The following KIRREL3 variants were observed in gnomAD, a reference collection of about 807,000 sequenced individuals.
KIRREL3 encodes the protein kin of IRRE-like protein 3.
A neutral mutation model predicts 89.7 loss-of-function variants in KIRREL3; 36 were observed. The ratio of observed to expected loss-of-function variants is 0.40; its 90% confidence interval spans 0.31 to 0.53. The LOEUF (loss-of-function observed/expected upper bound fraction) is 0.53. Ranked by LOEUF, KIRREL3 falls within the 20% of genes least tolerant of loss-of-function variation. The pLI is 0.49. For missense variants in KIRREL3, 864 were observed against 1,056.6 expected, an observed-to-expected ratio of 0.82 and a Z score of 2.53; for synonymous variants, 445 against 441.4, an observed-to-expected ratio of 1.01 and a Z score of -0.10.
In KIRREL3 at chr11:126,735,371, C is replaced by G. The variant is rs903795438; in HGVS notation, c.56-172459G>C. On this transcript the variant is annotated intron_variant, in intron 1 of 16. Transcript: ENST00000525144. ...TCTGGGATCCTAGAACAACAGAGAC[C>G]ATTGCATGACCAACTGGGGAGACAG... Among the ~76,000 whole-genome samples the G allele has an allele frequency of 3.2e-4, 48 of 152,162 alleles. 1 individual carries two copies. Among genetic ancestry groups the G allele is most frequent in the Admixed American group, 2.7e-3 (42 of 15,284 alleles).
rs1950093582 is a variant in KIRREL3, at chr11:126,993,434, CT to C, written c.55+7020del. On this transcript the variant is annotated intron_variant, in intron 1 of 16. Coordinates refer to ENST00000525144, the MANE Select transcript of KIRREL3 (RefSeq NM_032531.4). The surrounding 1 kb of genome is among the most constrained non-coding windows in gnomAD (Gnocchi z 6.1). ...AAGAGACTGGAAATCGCTTTTCATG[CT>C]TCGTTTAGAGAACTCTTGAGCATCC... 6.6e-6 allele frequency among the ~76,000 whole-genome samples: 1 copy of C among 152,198 alleles called. No individual in the cohort carries two copies.
chr11:126,712,578 C>A (rs551895037), intron 1 of KIRREL3, among the ~76,000 whole-genome samples: 31 of 152,256 alleles, frequency 2.0e-4, no homozygotes, highest in African/African-American at 7.2e-4. Context: ...TCTCCGGGTG[C>A]GGGAAACTTT....
rs34978323 is a variant in KIRREL3, at chr11:126,876,538, CTTTTT to C, written c.55+123912_55+123916del. On this transcript the variant is annotated intron_variant, in intron 1 of 16. Coordinates refer to ENST00000525144, the MANE Select transcript of KIRREL3 (RefSeq NM_032531.4). The surrounding 1 kb of genome is among the most constrained non-coding windows in gnomAD (Gnocchi z 4.1). ...CTTACAGTACATACTCATAAATATGCTTTTTTTTTTTTTTTTTGAGATGGAGTCTT... is the reference window on the plus strand; with the variant it reads ...CTTACAGTACATACTCATAAATATGCTTTTTTTTTTTTGAGATGGAGTCTT... Among the ~76,000 whole-genome samples, 1 of 115,342 alleles carries C rather than the reference CTTTTT, an allele frequency of 8.7e-6. No homozygotes were observed. Among genetic ancestry groups the C allele is most frequent in the Non-Finnish European group, 1.8e-5 (1 of 54,366 alleles). 75.7% of individuals were successfully genotyped at this position (115,342 alleles called of 152,430 possible).
intron 1 of KIRREL3, among the ~76,000 whole-genome samples, chr11:126,713,636 T>A (rs924421776): frequency 6.6e-6 from 1 of 152,156 alleles, no homozygotes; most frequent in Admixed American, 6.5e-5. Context: ...GAGTGTACAT[T>A]CTGCAGAGGG....
intron 1 of KIRREL3, among the ~76,000 whole-genome samples, chr11:126,698,192 T>C (rs1193874751): frequency 1.3e-5 from 2 of 152,168 alleles, no homozygotes; most frequent in African/African-American, 4.8e-5. Flanking sequence ...TGCGTATAAT[T>C]ACACCATTCC....
At chr11:126,439,528 A>G (rs1955482551) in intron 11 of KIRREL3, among the ~76,000 whole-genome samples, 1 of 149,602 alleles carries the variant, frequency 6.7e-6, no homozygotes. Flanking sequence ...AAAAAAATGC[A>G]GATACTGGCT....
At chr11:126,517,119 TGA>T (rs1402440701) in intron 4 of KIRREL3, among the ~76,000 whole-genome samples, 1 of 78,196 alleles carries the variant, frequency 1.3e-5, no homozygotes, top group Non-Finnish European at 2.7e-5. Context: ...TGTTAGAGAT[TGA>T]GAGAGAGAGA....
At chr11:126,632,989 G>C (rs10893547) in intron 1 of KIRREL3, among the ~76,000 whole-genome samples, 52,983 of 151,556 alleles carry the variant, frequency 0.35, 9,490 homozygotes, top group Admixed American at 0.44. Flanking sequence ...CTATTCGGGA[G>C]GCTGAGGCAG....
chr11:126,836,111 T>A (rs1943772031), intron 1 of KIRREL3, among the ~76,000 whole-genome samples: 1 of 152,226 alleles, frequency 6.6e-6, no homozygotes, highest in African/African-American at 2.4e-5. Flanking sequence ...TTCCTGTAGC[T>A]TATTTTAATC....
rs1359485441 is a variant in KIRREL3 at position 126,562,653 on chromosome 11, G to A, written c.133+182C>T. On this transcript the variant is annotated intron_variant, in intron 2 of 16. Coordinates refer to ENST00000525144, the MANE Select transcript of KIRREL3 (RefSeq NM_032531.4). The surrounding 1 kb of genome is among the most constrained non-coding windows in gnomAD (Gnocchi z 4.7). Reference sequence around the variant, plus strand: ...CCCTGAATCAGCATCCTGTGTTTCAGGCATTCACTATGCTTCCCCATGTGA... The same window carrying A: ...CCCTGAATCAGCATCCTGTGTTTCAAGCATTCACTATGCTTCCCCATGTGA... Among the ~76,000 whole-genome samples, 1 of 152,154 alleles carries A rather than the reference G, an allele frequency of 6.6e-6. No individual in the cohort carries two copies. The highest frequency in any genetic ancestry group is 2.4e-5 in the African/African-American group (1 of 41,418).
At chr11:126,445,989 A>G (rs1187776128) in intron 9 of KIRREL3, among the ~76,000 whole-genome samples, 1 of 152,116 alleles carries the variant, frequency 6.6e-6, no homozygotes, top group East Asian at 1.9e-4. Flanking sequence ...TCTCTACTAA[A>G]AATACAAAAT....
Position 126,557,731 on chromosome 11 carries a change from C to T in KIRREL3, c.133+5104G>A, listed in dbSNP as rs948333598. Among the ~76,000 whole-genome samples the T allele has an allele frequency of 8.5e-5, 13 of 152,212 alleles. No homozygotes were observed. The highest frequency in any genetic ancestry group is 1.6e-4 in the Non-Finnish European group (11 of 68,048). On this transcript the variant is annotated intron_variant, in intron 2 of 16. Coordinates refer to ENST00000525144, the MANE Select transcript of KIRREL3 (RefSeq NM_032531.4). The surrounding 1 kb of genome is among the most constrained non-coding windows in gnomAD (Gnocchi z 5.6). ...CTGTCGAAGAAATGAGATTCTCAAC[C>T]TCCCAGGGCTCTGACTCCCCTGTAA... is the stretch of plus-strand genomic sequence containing the variant.
chr11:126,702,287 A>C lies in KIRREL3; in HGVS notation c.56-139375T>G, dbSNP rs574140130. ...TGATGGTAGCTGCAGGTATATTACAAGGTTGTACTGAAAAACAAATGAAAG... is the reference window on the plus strand; with the variant it reads ...TGATGGTAGCTGCAGGTATATTACACGGTTGTACTGAAAAACAAATGAAAG... On this transcript the variant is annotated intron_variant, in intron 1 of 16. Coordinates refer to ENST00000525144, the MANE Select transcript of KIRREL3 (RefSeq NM_032531.4). 7.9e-5 allele frequency among the ~76,000 whole-genome samples: 12 copies of C among 152,356 alleles called. 2 individuals are homozygous for C. The South Asian group carries it at 2.3e-3, about 29-fold the overall frequency.
chr11:126,851,026 C>T (rs1944322762), intron 1 of KIRREL3, among the ~76,000 whole-genome samples: 1 of 152,210 alleles, frequency 6.6e-6, no homozygotes, highest in African/African-American at 2.4e-5. Context: ...ATATGGTCAG[C>T]CCACCTGGGT....
chr11:126,787,024 T>C (rs1289552510), intron 1 of KIRREL3, among the ~76,000 whole-genome samples: 2 of 152,110 alleles, frequency 1.3e-5, no homozygotes, highest in African/African-American at 4.8e-5. Context: ...TTAGAGGAAA[T>C]CTTAGCAGAT....
rs948600918 is a variant in KIRREL3 at position 126,805,680 on chromosome 11, C to T, written c.55+194775G>A. ...AGTACAAAGTATGTAATAGATATTA[C>T]GTTTTTATTTACTACTATGTATGTA... is the stretch of plus-strand genomic sequence containing the variant. On this transcript the variant is annotated intron_variant, in intron 1 of 16. Coordinates refer to ENST00000525144, the MANE Select transcript of KIRREL3 (RefSeq NM_032531.4). This position sits in a 1 kb window ranked among gnomAD's most constrained non-coding sequence, Gnocchi z 4.3. Among the ~76,000 whole-genome samples the T allele has an allele frequency of 7.2e-5, 11 of 152,048 alleles. No homozygotes were observed. Among genetic ancestry groups the T allele is most frequent in the Admixed American group, 5.2e-4 (8 of 15,260 alleles).
intron 1 of KIRREL3, among the ~76,000 whole-genome samples, chr11:126,855,233 G>A (rs913484963): frequency 2.0e-5 from 3 of 152,246 alleles, no homozygotes; most frequent in Non-Finnish European, 4.4e-5. Context: ...GCCCTAGTGG[G>A]AGGTGATTGG....
At chr11:126,971,542 G>A (rs1949424866) in intron 1 of KIRREL3, among the ~76,000 whole-genome samples, 1 of 152,080 alleles carries the variant, frequency 6.6e-6, no homozygotes, top group Admixed American at 6.6e-5. Context: ...ATAAAAATAT[G>A]ATCACATTAC....
Position 126,883,207 on chromosome 11 carries a change from A to G in KIRREL3, c.55+117248T>C, listed in dbSNP as rs1311201402. On this transcript the variant is annotated intron_variant, in intron 1 of 16. Coordinates refer to ENST00000525144, the MANE Select transcript of KIRREL3 (RefSeq NM_032531.4). The surrounding 1 kb of genome is among the most constrained non-coding windows in gnomAD (Gnocchi z 4.1). The stretch of plus-strand genomic sequence containing the variant: ...CAGCTGAGCAGGAGACAGGAGGATC[A>G]TCATCTGCTATAGAGAGTTCTTGAG... Among the ~76,000 whole-genome samples, 8 of 152,090 alleles carry G rather than the reference A, an allele frequency of 5.3e-5. No homozygotes were observed. Among genetic ancestry groups the G allele is most frequent in the Admixed American group, 5.2e-4 (8 of 15,286 alleles).
Sources: gnomAD v4.1 joint callset for allele counts (sites outside exome capture counted in the v4.1 genomes callset) on GRCh38, gnomAD v4.1.1 for gene constraint, Gnocchi (gnomAD v3.1) non-coding constraint, MANE v1.5 for transcripts, NCBI Gene and HGNC (gene_info 2026-07-23, HGNC 2026-07-21) for gene names.